Variants in DOCK1 observed in about 807,000 individuals in gnomAD.
DOCK1 encodes the protein dedicator of cytokinesis 1, also known as dedicator of cytokinesis protein 1.
DOCK1 carries 138 observed loss-of-function variants against 262.7 expected under a neutral mutation model. That is an observed-to-expected ratio of 0.53 (90% CI 0.46 to 0.61). DOCK1 has a LOEUF of 0.61. Among genes scored for constraint, DOCK1 ranks in the 20% least tolerant of loss-of-function variants. The pLI is 0.00. For synonymous variants in DOCK1, 866 were observed against 867.4 expected, an observed-to-expected ratio of 1.00 and a Z score of 0.03; for missense variants, 1,908 against 2,370.7, an observed-to-expected ratio of 0.80 and a Z score of 4.05.
At chr10:127,395,000 T>A (rs1039858713) in intron 38 of DOCK1, among the ~76,000 whole-genome samples, 3 of 152,194 alleles carry the variant, frequency 2.0e-5, no homozygotes, top group East Asian at 1.9e-4. Context: ...CATTTCGTGC[T>A]TCTTGAAGAG....
intron 1 of DOCK1, among the ~76,000 whole-genome samples, chr10:126,967,178 A>C (rs940840277): frequency 6.6e-6 from 1 of 152,212 alleles, no homozygotes; most frequent in African/African-American, 2.4e-5. Flanking sequence ...GTAGTACGTC[A>C]TATGTCAGGT....
At chr10:127,026,631 C>T (rs1009086440) in intron 16 of DOCK1, 1 of 589,004 alleles carries the variant, frequency 1.7e-6, no homozygotes. Context: ...TCCAGTTCCT[C>T]CTACCCAGTG....
At chr10:127,005,903 A>G (rs1341143968) in intron 10 of DOCK1, among the ~76,000 whole-genome samples, 2 of 152,148 alleles carry the variant, frequency 1.3e-5, no homozygotes, top group African/African-American at 4.8e-5. Context: ...GTATGTTTGC[A>G]TTGCACATAC....
intron 10 of DOCK1, among the ~76,000 whole-genome samples, chr10:127,004,768 C>G (rs1422693024): frequency 1.5e-5 from 1 of 65,190 alleles, no homozygotes; most frequent in South Asian, 7.3e-4. Flanking sequence ...CCCCCTGCCC[C>G]GCCACCCCCC....
At chr10:127,064,676 C>T (rs939323600) in intron 23 of DOCK1, among the ~76,000 whole-genome samples, 2 of 152,216 alleles carry the variant, frequency 1.3e-5, no homozygotes, top group East Asian at 1.9e-4. Flanking sequence ...GTTTCAGTAC[C>T]GCCTCACCGT....
chr10:127,085,944 G>C (rs1460740433), intron 23 of DOCK1, among the ~76,000 whole-genome samples: 2 of 152,170 alleles, frequency 1.3e-5, no homozygotes, highest in African/African-American at 4.8e-5. Flanking sequence ...TGGGAGGCAT[G>C]ACTTCTTTCT....
At chr10:127,046,543 C>T (rs1162202613) in intron 21 of DOCK1, among the ~76,000 whole-genome samples, 2 of 152,034 alleles carry the variant, frequency 1.3e-5, no homozygotes, top group Non-Finnish European at 2.9e-5. Context: ...CATTTGAGGT[C>T]AGGAGTTCAA....
At chr10:127,188,349 G>C (rs1036367952) in intron 27 of DOCK1, among the ~76,000 whole-genome samples, 1 of 152,202 alleles carries the variant, frequency 6.6e-6, no homozygotes, top group Non-Finnish European at 1.5e-5. Context: ...TCACTGAGCA[G>C]ACCCATAGTA....
chr10:127,254,171 G>T (rs10829651), intron 28 of DOCK1, among the ~76,000 whole-genome samples: 53,735 of 151,898 alleles, frequency 0.35, 9,563 homozygotes, highest in Admixed American at 0.4. Context: ...TCCTTTTCAC[G>T]CATTGCATTT....
At chr10:127,066,427 T>A (rs186734355) in intron 23 of DOCK1, among the ~76,000 whole-genome samples, 11 of 152,286 alleles carry the variant, frequency 7.2e-5, no homozygotes, top group Admixed American at 7.2e-4. Context: ...TCTTTTGGTG[T>A]TTTCCTGAAA....
intron 29 of DOCK1, among the ~76,000 whole-genome samples, chr10:127,312,712 G>C (rs1564983996): frequency 6.6e-6 from 1 of 151,930 alleles, no homozygotes; most frequent in Non-Finnish European, 1.5e-5. Context: ...CAAAAGCAAT[G>C]TTTTCTCTCT....
rs1221673142 is a variant in DOCK1 at position 127,409,018 on chromosome 10, T to C, written c.4123-19T>C. 1 of 1,570,062 alleles carries C rather than the reference T, an allele frequency of 6.4e-7. No homozygotes were observed. The highest frequency in any genetic ancestry group is 1.4e-5 in the African/African-American group (1 of 73,936). On this transcript the variant is annotated intron_variant, in intron 40 of 51. Transcript: ENST00000623213. ...GCCCTTTCTCTGTGGTGTTATGAAA[T>C]GAATGTCACCCTTTTCAGGGAAAAG...
chr10:126,952,087 A>T (rs2036299246), intron 1 of DOCK1, among the ~76,000 whole-genome samples: 1 of 151,954 alleles, frequency 6.6e-6, no homozygotes, highest in African/African-American at 2.4e-5. Flanking sequence ...TGACCTTGTG[A>T]TCCGCCCACC....
intron 29 of DOCK1, among the ~76,000 whole-genome samples, chr10:127,306,917 C>T (rs1222080522): frequency 6.6e-6 from 1 of 152,082 alleles, no homozygotes; most frequent in South Asian, 2.1e-4. Flanking sequence ...GTATTATGTG[C>T]AAAGTGTACC....
chr10:127,225,646 C>T (rs1193398035), intron 27 of DOCK1, among the ~76,000 whole-genome samples: 1 of 152,206 alleles, frequency 6.6e-6, no homozygotes, highest in Admixed American at 6.5e-5. Context: ...AGAAGCTAGT[C>T]TTTTGAGTTT....
chr10:127,236,211 T>C (rs2059043711), intron 27 of DOCK1, among the ~76,000 whole-genome samples: 1 of 152,158 alleles, frequency 6.6e-6, no homozygotes, highest in Admixed American at 6.5e-5. Context: ...ACAAAAGTTT[T>C]CTATGTTTTC....
chr10:127,428,171 T>G (rs1168360966), intron 47 of DOCK1, among the ~76,000 whole-genome samples: 1 of 152,258 alleles, frequency 6.6e-6, no homozygotes, highest in Non-Finnish European at 1.5e-5. Context: ...TATTAATTCA[T>G]TCTAAGAAAC....
chr10:127,239,623 A>G (rs554178224), intron 27 of DOCK1, among the ~76,000 whole-genome samples: 1 of 152,292 alleles, frequency 6.6e-6, no homozygotes, highest in Admixed American at 6.5e-5. Context: ...GTTTAAAAAC[A>G]CGTATAGACA....
At chr10:127,203,636 T>C (rs2057571594) in intron 27 of DOCK1, among the ~76,000 whole-genome samples, 1 of 114,246 alleles carries the variant, frequency 8.8e-6, no homozygotes, top group Non-Finnish European at 1.7e-5. Context: ...TTCCATGTTT[T>C]CCGTAAACGT....
Sources: gnomAD v4.1 joint callset for allele counts (sites outside exome capture counted in the v4.1 genomes callset) on GRCh38, gnomAD v4.1.1 for gene constraint, MANE v1.5 for transcripts, NCBI Gene and HGNC (gene_info 2026-07-23, HGNC 2026-07-21) for gene names.